The following PLCG2 variants were observed in gnomAD, a reference collection of about 807,000 sequenced individuals.
The protein encoded by PLCG2 is phospholipase C gamma 2.
In PLCG2, 69 loss-of-function variants were observed where a neutral mutation model predicts 175.6. That is an observed-to-expected ratio of 0.39 (90% CI 0.32 to 0.48). The LOEUF is 0.48. PLCG2 is among the 20% of genes least tolerant of loss of function. The pLI is 0.91. For missense variants in PLCG2, 1,798 were observed against 1,650.9 expected, an observed-to-expected ratio of 1.09 and a Z score of -1.54; for synonymous variants, 827 against 624.0, an observed-to-expected ratio of 1.33 and a Z score of -4.85.
intron 11 of PLCG2, 39 bp downstream of exon 11, chr16:81,891,629 A>G (rs1277242414): frequency 1.7e-6 from 2 of 1,160,924 alleles, no homozygotes; most frequent in Admixed American, 1.7e-5. Context: ...TGGGCAGCAC[A>G]GAGCACGTGA....
At chr16:81,903,398 C>T (rs553816673) in intron 14 of PLCG2, among the ~76,000 whole-genome samples, 1 of 152,284 alleles carries the variant, frequency 6.6e-6, no homozygotes, top group African/African-American at 2.4e-5. Flanking sequence ...TGTTGGTGCC[C>T]CCATGGGTAA....
intron 7 of PLCG2, among the ~76,000 whole-genome samples, chr16:81,873,216 C>G (rs1476223201): frequency 6.6e-5 from 10 of 152,198 alleles, no homozygotes; most frequent in Non-Finnish European, 1.5e-4. Context: ...TGTCCTCTCA[C>G]TTAGCCTTTT....
chr16:81,912,593 G>T lies in PLCG2; in HGVS notation c.1935-4G>T, dbSNP rs762488045. On this transcript the variant is annotated splice_polypyrimidine_tract_variant and splice_region_variant and intron_variant, in intron 18 of 32. Transcript: ENST00000564138. The stretch of plus-strand genomic sequence containing the variant: ...TGGTCGTTTTCCCTGGCCCTGTGCC[G>T]CAGGTGGTACTATGACAGCCTGAGC... 8 of 1,612,280 alleles carry T rather than the reference G, an allele frequency of 5.0e-6. No homozygotes were observed. The highest frequency in any genetic ancestry group is 1.3e-5 in the African/African-American group (1 of 74,922).
chr16:81,807,151 A>T (rs1253390053), intron 2 of PLCG2, among the ~76,000 whole-genome samples: 1 of 152,126 alleles, frequency 6.6e-6, no homozygotes, highest in Admixed American at 6.5e-5. Flanking sequence ...GCAGAGGCTT[A>T]TCTTGTTGAA....
At chr16:81,903,717 A>T (rs1909248036) in intron 14 of PLCG2, among the ~76,000 whole-genome samples, 1 of 152,140 alleles carries the variant, frequency 6.6e-6, no homozygotes, top group Non-Finnish European at 1.5e-5. Context: ...TCTTCGGGGC[A>T]GCCTGGTTGC....
chr16:81,921,624 G>A, intron 21 of PLCG2: 1 of 354,588 alleles, frequency 2.8e-6, no homozygotes, highest in Non-Finnish European at 5.4e-6. Flanking sequence ...TCCTTGCAGT[G>A]CAAATGCTAT....
chr16:81,790,807 G>A (rs575308429), intron 2 of PLCG2, among the ~76,000 whole-genome samples: 3 of 152,238 alleles, frequency 2.0e-5, no homozygotes, highest in South Asian at 4.2e-4. Context: ...ATTTGGCAAA[G>A]TCTGGAGACG....
chr16:81,883,616 C>G, intron 9 of PLCG2: 1 of 493,516 alleles, frequency 2.0e-6, no homozygotes, highest in Non-Finnish European at 3.7e-6. Context: ...GAGAAGATGG[C>G]AGGGCAGGAG....
intron 2 of PLCG2, among the ~76,000 whole-genome samples, chr16:81,835,185 GGGTATAATAATGACTCC>G (rs1905451163): frequency 6.6e-6 from 1 of 152,190 alleles, no homozygotes; most frequent in Admixed American, 6.5e-5. Flanking sequence ...TCTGCAAAAT[GGGTATAATAATGACTCC>G]TCTGTCGTAG....
chr16:81,880,560 A>G (rs534538361), intron 7 of PLCG2, among the ~76,000 whole-genome samples: 30 of 140,484 alleles, frequency 2.1e-4, no homozygotes, highest in African/African-American at 7.3e-4. Flanking sequence ...ATAATATGTA[A>G]AGCTTGAAAC....
chr16:81,908,754 A>T (rs534954137), intron 17 of PLCG2, among the ~76,000 whole-genome samples, 163 bp downstream of exon 17: 58 of 152,316 alleles, frequency 3.8e-4, no homozygotes, highest in African/African-American at 1.3e-3. Context: ...TGAGGTGGGT[A>T]TGACTCACTT....
Position 81,894,382 on chromosome 16 carries a change from T to C in PLCG2, c.1072+588T>C, listed in dbSNP as rs113912293. 4.0e-3 allele frequency among the ~76,000 whole-genome samples: 608 copies of C among 152,314 alleles called. 7 individuals are homozygous for C. The highest frequency in any genetic ancestry group is 0.014 in the African/African-American group (584 of 41,552). The stretch of plus-strand genomic sequence containing the variant: ...AGGTTGAGGCTGTGGTGAGCTGTGA[T>C]TGTGCCACTGCACTCTAGCCTGGGC... On this transcript the variant is annotated intron_variant, in intron 12 of 32. Coordinates refer to ENST00000564138, the MANE Select transcript of PLCG2 (RefSeq NM_002661.5).
chr16:81,764,882 G>A (rs1045763060), intron 2 of PLCG2, among the ~76,000 whole-genome samples: 23 of 152,090 alleles, frequency 1.5e-4, no homozygotes, highest in Admixed American at 1.5e-3. Flanking sequence ...TTGAGCTCAG[G>A]AGTTCGAGAC....
intron 2 of PLCG2, among the ~76,000 whole-genome samples, chr16:81,793,631 C>T (rs73587702): frequency 0.019 from 2,904 of 152,246 alleles, 100 homozygotes; most frequent in African/African-American, 0.065. Context: ...AACATATGAG[C>T]TGTCTGTTTC....
intron 2 of PLCG2, among the ~76,000 whole-genome samples, chr16:81,769,594 C>T (rs1660608668): frequency 6.6e-6 from 1 of 151,894 alleles, no homozygotes; most frequent in African/African-American, 2.4e-5. Context: ...GCGGGCGGAT[C>T]ACGAGGTCAG....
At chr16:81,768,786 C>G (rs1910210567) in intron 2 of PLCG2, among the ~76,000 whole-genome samples, 1 of 152,036 alleles carries the variant, frequency 6.6e-6, no homozygotes. Context: ...ACGCTGGTCT[C>G]CAGCTCCTGA....
In PLCG2 at chr16:81,876,071, G is replaced by A. The variant is rs181989700; in HGVS notation, c.649-4839G>A. On this transcript the variant is annotated intron_variant, in intron 7 of 32. Coordinates refer to ENST00000564138, the MANE Select transcript of PLCG2 (RefSeq NM_002661.5). ...GACAGGGTCTCACTTTGTCACCGAG[G>A]CTGGGGTGCAGTGGTACAATCATGG... Among the ~76,000 whole-genome samples, 5 of 144,472 alleles carry A rather than the reference G, an allele frequency of 3.5e-5. No homozygotes were observed. In the East Asian group the frequency reaches 1.0e-3, roughly 30 times the overall value. 94.8% of individuals were successfully genotyped at this position (144,472 alleles called of 152,430 possible). A position where few individuals can be genotyped will look rare whatever the true frequency, so the allele number is the denominator to read the frequency against.
intron 1 of PLCG2, among the ~76,000 whole-genome samples, chr16:81,754,196 AG>A (rs1316534313): frequency 6.6e-6 from 1 of 151,568 alleles, no homozygotes; most frequent in East Asian, 1.9e-4. Context: ...CTGAGTTGAG[AG>A]GGGATGGAGA....
intron 7 of PLCG2, 32 bp from the exon 8 acceptor site, chr16:81,880,878 G>T: frequency 6.2e-7 from 1 of 1,611,178 alleles, no homozygotes; most frequent in Non-Finnish European, 8.5e-7. Context: ...CTTGTCTAAG[G>T]TTCTTTTTTT....
Sources: gnomAD v4.1 joint callset for allele counts (sites outside exome capture counted in the v4.1 genomes callset) on GRCh38, gnomAD v4.1.1 for gene constraint, MANE v1.5 for transcripts, NCBI Gene and HGNC (gene_info 2026-07-23, HGNC 2026-07-21) for gene names.